The following ITGAL variants were observed in gnomAD, a reference collection of about 807,000 sequenced individuals.
The protein encoded by ITGAL is integrin subunit alpha L, also known as integrin alpha-L.
Under a neutral mutation model 138.4 loss-of-function variants are expected in ITGAL, and 68 were observed. The ratio of observed to expected loss-of-function variants is 0.49; its 90% confidence interval spans 0.40 to 0.60. The LOEUF (loss-of-function observed/expected upper bound fraction) is 0.60. ITGAL is among the 20% of genes least tolerant of loss of function. ITGAL has a pLI of 0.00. For missense variants in ITGAL, 1,256 were observed against 1,478.6 expected (o/e 0.85, Z 2.47); for synonymous variants, 561 against 584.3 (o/e 0.96, Z 0.57).
intron 28 of ITGAL, among the ~76,000 whole-genome samples, chr16:30,518,115 G>A (rs972286576): frequency 3.9e-5 from 6 of 152,152 alleles, no homozygotes; most frequent in Non-Finnish European, 8.8e-5. Context: ...GTTCTTTATA[G>A]AAAAGCTTTC....
rs139106676 is a variant in ITGAL at position 30,511,089 on chromosome 16, C to T, written c.2739C>T (p.Ala913=). ...EDSDLLEDNS[A]TTIIPILYPI... is the part of the protein sequence containing the mutation. ...CAGACCTCCTGGAGGACAACTCAGC[C>T]ACTACCATCATCCCCATCCTGTACC... Residue 913 remains alanine, a synonymous_variant, in exon 24 of 31, where the codon GCC becomes GCT. Coordinates refer to ENST00000356798, the MANE Select transcript of ITGAL (RefSeq NM_002209.3). 6.8e-6 allele frequency: 11 copies of T among 1,614,036 alleles called. No individual in the cohort carries two copies. The highest frequency in any genetic ancestry group is 8.5e-6 in the Non-Finnish European group (10 of 1,179,956).
chr16:30,497,414 G>A (rs1490640488), intron 15 of ITGAL, among the ~76,000 whole-genome samples: 1 of 151,730 alleles, frequency 6.6e-6, no homozygotes, highest in Non-Finnish European at 1.5e-5. Flanking sequence ...GGCTGTGGCA[G>A]GAAGATTACT....
intron 15 of ITGAL, among the ~76,000 whole-genome samples, chr16:30,498,263 C>CAAAAAAA (rs762799726): frequency 8.5e-6 from 1 of 118,086 alleles, no homozygotes; most frequent in African/African-American, 3.1e-5. Context: ...AGGAGGATCT[C>CAAAAAAA]AAAAAAAAAA....
In ITGAL at chr16:30,522,041, C is replaced by A. The variant is rs930435226; in HGVS notation, c.*376C>A. On this transcript the variant is annotated 3_prime_UTR_variant, in exon 31 of 31. Transcript: ENST00000356798. The surrounding 1 kb of genome is among the most constrained non-coding windows in gnomAD (Gnocchi z 4.0). The stretch of plus-strand genomic sequence containing the variant: ...GATGTCCACAGATGCCTCCACCCCC[C>A]AGAACCTGTCCTTGCACACTCCCCT... 1.4e-5 allele frequency: 3 copies of A among 209,756 alleles called. No homozygotes were observed. The highest frequency in any genetic ancestry group is 8.6e-5 in the South Asian group (1 of 11,602). 13.0% of individuals were successfully genotyped at this position (209,756 alleles called of 1,614,324 possible). A position where few individuals can be genotyped will look rare whatever the true frequency, so the allele number is the denominator to read the frequency against.
chr16:30,509,635 T>C (rs1231536635), intron 21 of ITGAL, among the ~76,000 whole-genome samples: 4 of 152,002 alleles, frequency 2.6e-5, no homozygotes, highest in African/African-American at 4.8e-5. Flanking sequence ...GGCTAAAGTA[T>C]AGTGGCATAA....
rs1436811391 is a variant in ITGAL, at chr16:30,510,918, G to C, written c.2657G>C (p.Ser886Thr). ...ATGATGTTTAATACACTGGTAAACA[G>C]CTCCTGGGGGGACTCGGTTGAATTG... Reference protein sequence around the residue: ...LQMMFNTLVNSSWGDSVELHA... With the variant: ...LQMMFNTLVNTSWGDSVELHA... The change falls in exon 23 of 31, where the codon AGC (serine) becomes ACC (threonine). Residue 886 changes from serine to threonine, a missense_variant. This residue lies in a region of ITGAL where 867 missense variants were observed against 972.5 expected (regional missense o/e 0.89). Transcript: ENST00000356798. 9 of 1,614,094 alleles carry C rather than the reference G, an allele frequency of 5.6e-6. 1 individual carries two copies. In the East Asian group the frequency reaches 2.0e-4, roughly 36 times the overall value.
intron 21 of ITGAL, among the ~76,000 whole-genome samples, chr16:30,508,461 C>G (rs2051039344): frequency 6.6e-6 from 1 of 152,108 alleles, no homozygotes; most frequent in African/African-American, 2.4e-5. Context: ...GATCTACCCG[C>G]CTTGGCCTCC....
At chr16:30,505,144 C>A in intron 18 of ITGAL, 100 bp from the exon 19 acceptor site, 1 of 1,201,622 alleles carries the variant, frequency 8.3e-7, no homozygotes, top group Non-Finnish European at 1.1e-6. Flanking sequence ...CACAGCCAGC[C>A]CAGTTGAGCT....
chr16:30,475,160 C>T (rs1366285596), intron 2 of ITGAL, 146 bp from the exon 3 acceptor site: 7 of 641,536 alleles, frequency 1.1e-5, no homozygotes, highest in Non-Finnish European at 1.1e-5. Flanking sequence ...GCATGAGCCA[C>T]CCCACCTGGC....
At chr16:30,476,176 G>A (rs922982026) in intron 4 of ITGAL, among the ~76,000 whole-genome samples, 3 of 151,888 alleles carry the variant, frequency 2.0e-5, no homozygotes, top group East Asian at 1.9e-4. Flanking sequence ...GTGTGAACCC[G>A]GGAGGCGGAG....
rs1200173173 is a variant in ITGAL, at chr16:30,496,244, G to A, written c.1651G>A (p.Val551Met). 2 of 1,608,630 alleles carry A rather than the reference G, an allele frequency of 1.2e-6. No homozygotes were observed. The highest frequency in any genetic ancestry group is 1.7e-6 in the Non-Finnish European group (2 of 1,177,164). Residue 551 changes from valine (V) to methionine (M), a missense_variant, in exon 14 of 31, where the codon GTG becomes ATG. By Grantham distance (21) the Val-to-Met change is conservative. Coordinates refer to ENST00000356798, the MANE Select transcript of ITGAL (RefSeq NM_002209.3). ...GGCCCCTCTGGAGGAGCAGGGGGCT[G>A]TGTACATCTTCAATGGGAGGCACGG... ...VGAPLEEQGAVYIFNGRHGGL... is the reference protein window; with the variant it reads ...VGAPLEEQGAMYIFNGRHGGL...
Position 30,506,760 on chromosome 16 carries a change from G to T in ITGAL, c.2412G>T (p.Glu804Asp), listed in dbSNP as rs372358125. 1.2e-6 allele frequency: 2 copies of T among 1,613,888 alleles called. No individual in the cohort carries two copies. Among genetic ancestry groups the T allele is most frequent in the South Asian group, 1.1e-5 (1 of 91,072 alleles). The change falls in exon 21 of 31, where the codon GAG becomes GAT. Residue 804 changes from glutamate (E) to aspartate (D), a missense_variant. This residue lies in a region of ITGAL where 867 missense variants were observed against 972.5 expected (regional missense o/e 0.89). Transcript: ENST00000356798. ...RLTAFASLSV[E>D]LSLSNLEEDA... The stretch of plus-strand genomic sequence containing the variant: ...CTGCTTTTGCCAGCCTCTCTGTGGA[G>T]CTGAGCCTGAGTAACTTGGAAGAAG...
rs1175658581 is a variant in ITGAL at position 30,517,051 on chromosome 16, G to A, written c.2941G>A (p.Glu981Lys). The change falls in exon 26 of 31, where the codon GAG becomes AAG. Residue 981 changes from glutamate (E) to lysine (K), a missense_variant. Around this residue, in one of 3 missense-constraint regions of ITGAL, gnomAD observed 867 missense variants for 972.5 expected, o/e 0.89. Transcript: ENST00000356798. ...GGTTGGGGTGCCACAGCCTCCCAGCGAGGGGCCCATCACACACCAGTGGAG... is the reference window on the plus strand; with the variant it reads ...GGTTGGGGTGCCACAGCCTCCCAGCAAGGGGCCCATCACACACCAGTGGAG... Reference protein sequence around the residue: ...AVVGVPQPPSEGPITHQWSVQ... With the variant: ...AVVGVPQPPSKGPITHQWSVQ... 1.2e-5 allele frequency: 19 copies of A among 1,613,220 alleles called. No individual in the cohort carries two copies. Among genetic ancestry groups the A allele is most frequent in the African/African-American group, 2.7e-5 (2 of 75,016 alleles).
intron 6 of ITGAL, 84 bp downstream of exon 6, chr16:30,479,545 T>C (rs2050523380): frequency 7.3e-7 from 1 of 1,374,788 alleles, no homozygotes; most frequent in African/African-American, 1.4e-5. Context: ...AATGTTAGTA[T>C]GTGGAATCCT....
intron 17 of ITGAL, chr16:30,503,936 G>C: frequency 2.7e-6 from 1 of 374,640 alleles, no homozygotes; most frequent in Non-Finnish European, 4.9e-6. Flanking sequence ...AAAGTGCTGG[G>C]ATTGATTAGT....
chr16:30,506,729 G>A lies in ITGAL; in HGVS notation c.2381G>A (p.Arg794His), dbSNP rs749865362. The A allele has an allele frequency of 6.8e-6, 11 of 1,613,506 alleles. No homozygotes were observed. The South Asian group carries it at 8.8e-5, about 13-fold the overall frequency. ...ATCCCCCACAGATCCAGAGCCCTGC[G>A]TCTAACTGCTTTTGCCAGCCTCTCT... ...SFSPARSRAL[R>H]LTAFASLSVE... Residue 794 changes from arginine (R) to histidine (H), a missense_variant, in exon 21 of 31, where the codon CGT (arginine) becomes CAT (histidine). Around this residue, in one of 3 missense-constraint regions of ITGAL, gnomAD observed 867 missense variants for 972.5 expected, o/e 0.89. Transcript: ENST00000356798.
At position 30,521,583 on chromosome 16, in the gene ITGAL, C is replaced by T; in HGVS notation, c.3431C>T (p.Ala1144Val). The change falls in exon 31 of 31, where the codon GCA becomes GTA. Residue 1144 changes from alanine (A) to valine (V), a missense_variant. Physicochemically the swap from Ala to Val is moderately conservative, Grantham distance 64. Coordinates refer to ENST00000356798, the MANE Select transcript of ITGAL (RefSeq NM_002209.3). ...GIPAEDSEQL[A>V]SGQEAGDPGC... The stretch of plus-strand genomic sequence containing the variant: ...CCTGCAGAAGACTCTGAGCAGCTGG[C>T]ATCTGGGCAAGAGGCTGGGGATCCC... 1 of 1,614,156 alleles carries T rather than the reference C, an allele frequency of 6.2e-7. No individual in the cohort carries two copies. Among genetic ancestry groups the T allele is most frequent in the Non-Finnish European group, 8.5e-7 (1 of 1,180,026 alleles).
At chr16:30,479,245 CA>C (rs1320116252) in intron 5 of ITGAL, 37 bp downstream of exon 5, 1 of 1,612,594 alleles carries the variant, frequency 6.2e-7, no homozygotes, top group Admixed American at 1.7e-5. Flanking sequence ...AAAATACCTC[CA>C]AATGGCTGTC....
At position 30,521,886 on chromosome 16, in the gene ITGAL, G is replaced by A. The variant is rs998651856; in HGVS notation, c.*221G>A. 5.7e-6 allele frequency: 3 copies of A among 521,968 alleles called. No individual in the cohort carries two copies. Among genetic ancestry groups the A allele is most frequent in the Non-Finnish European group, 1.0e-5 (3 of 293,498 alleles). The allele number at this position is 521,968 out of a possible 1,614,324, so 32.3% of individuals were successfully genotyped here. A position where few individuals can be genotyped will look rare whatever the true frequency, so the allele number is the denominator to read the frequency against. On this transcript the variant is annotated 3_prime_UTR_variant, in exon 31 of 31. Transcript: ENST00000356798. The stretch of plus-strand genomic sequence containing the variant: ...CCAGCCAAGAGGGCTGCAAAAGTGA[G>A]GGCTTGTCATTACCAGACGGTTCAC...
Sources: gnomAD v4.1 joint callset for allele counts (sites outside exome capture counted in the v4.1 genomes callset) on GRCh38, gnomAD v4.1.1 for gene constraint, gnomAD v4.1.1 regional missense constraint, Gnocchi (gnomAD v3.1) non-coding constraint, MANE v1.5 for transcripts, NCBI Gene and HGNC (gene_info 2026-07-23, HGNC 2026-07-21) for gene names.